ADK: variants seen among roughly 807,000 people sequenced by gnomAD.
The protein encoded by ADK is adenosine kinase, also known as N6,N6-dimethyladenosine kinase.
In ADK, 24 loss-of-function variants were observed where a neutral mutation model predicts 44.7. The ratio of observed to expected loss-of-function variants is 0.54; its 90% CI spans 0.39 to 0.76. The LOEUF is 0.76. Ranked by LOEUF, ADK falls within the 30% of genes least tolerant of loss-of-function variation. The probability of loss-of-function intolerance (pLI) is 0.00; values close to 1 mark genes in which losing one functional copy is unlikely to be tolerated. For missense variants in ADK, 321 were observed against 425.1 expected, an observed-to-expected ratio of 0.76 and a Z score of 2.15; for synonymous variants, 128 against 142.6, an observed-to-expected ratio of 0.90 and a Z score of 0.73.
intron 3 of ADK, among the ~76,000 whole-genome samples, chr10:74,279,833 A>G (rs1846850141): frequency 6.6e-6 from 1 of 151,922 alleles, no homozygotes; most frequent in South Asian, 2.1e-4. Flanking sequence ...GGAATTTGAG[A>G]TCAGCCCAGG....
intron 9 of ADK, chr10:74,655,750 T>G (rs1854463574): frequency 4.1e-6 from 2 of 491,738 alleles, no homozygotes; most frequent in South Asian, 3.5e-5. Flanking sequence ...TTCCTCCAGT[T>G]GCCAGACACC....
intron 1 of ADK, among the ~76,000 whole-genome samples, chr10:74,189,843 T>A (rs532499121): frequency 2.0e-4 from 31 of 152,282 alleles, no homozygotes; most frequent in African/African-American, 7.5e-4. Context: ...TGGAATCATA[T>A]AATATTTGGC....
intron 3 of ADK, among the ~76,000 whole-genome samples, chr10:74,310,576 G>C (rs191157192): frequency 6.6e-6 from 1 of 151,990 alleles, no homozygotes; most frequent in African/African-American, 2.4e-5. Context: ...CCTGTCTTTC[G>C]TATGAGCTAT....
intron 7 of ADK, among the ~76,000 whole-genome samples, chr10:74,557,391 C>A (rs1850296323): frequency 6.6e-6 from 1 of 152,056 alleles, no homozygotes; most frequent in Non-Finnish European, 1.5e-5. Flanking sequence ...ATATAATTTG[C>A]AACAAAGTAG....
At chr10:74,589,455 G>A (rs1851643387) in intron 8 of ADK, 138 bp downstream of exon 8, 6 of 882,064 alleles carry the variant, frequency 6.8e-6, no homozygotes, top group Admixed American at 2.0e-5. Context: ...CTTGGCAGTC[G>A]TCATGGTTTC....
intron 7 of ADK, among the ~76,000 whole-genome samples, chr10:74,573,511 G>C (rs1038714560): frequency 1.3e-5 from 2 of 152,198 alleles, no homozygotes; most frequent in African/African-American, 2.4e-5. Context: ...TCTGCGTGCT[G>C]GGAGAACCAC....
intron 4 of ADK, among the ~76,000 whole-genome samples, chr10:74,384,588 C>T (rs998093964): frequency 1.3e-5 from 2 of 151,970 alleles, no homozygotes; most frequent in Admixed American, 6.6e-5. Flanking sequence ...GAGAATTGCT[C>T]GAACCTGGAA....
At chr10:74,708,293 C>T (rs1431280592) in intron 10 of ADK, 28 bp from the exon 11 acceptor site, 5 of 1,604,952 alleles carry the variant, frequency 3.1e-6, no homozygotes, top group Non-Finnish European at 3.4e-6. Context: ...ATACAATACT[C>T]ATGTGTTTTT....
intron 6 of ADK, among the ~76,000 whole-genome samples, chr10:74,435,581 C>G (rs1424375848): frequency 6.6e-6 from 1 of 152,118 alleles, no homozygotes; most frequent in Admixed American, 6.6e-5. Flanking sequence ...CTAGGAAGCT[C>G]TTTGAACACC....
At chr10:74,572,707 T>C in intron 7 of ADK, among the ~76,000 whole-genome samples, 1 of 152,198 alleles carries the variant, frequency 6.6e-6, no homozygotes, top group East Asian at 1.9e-4. Context: ...TGTTTCTTTT[T>C]ATTCTTTTTT....
intron 9 of ADK, among the ~76,000 whole-genome samples, chr10:74,654,198 A>G (rs1214307329): frequency 6.6e-6 from 1 of 152,228 alleles, no homozygotes; most frequent in Non-Finnish European, 1.5e-5. Context: ...CATTGTGCTC[A>G]GAAGGAGAGA....
chr10:74,478,098 A>G (rs1468454160), intron 6 of ADK, among the ~76,000 whole-genome samples: 2 of 152,200 alleles, frequency 1.3e-5, no homozygotes, highest in Non-Finnish European at 2.9e-5. Context: ...TTAATGAGAT[A>G]GGGTCTCACT....
chr10:74,167,567 T>A (rs1271798055), intron 1 of ADK, among the ~76,000 whole-genome samples: 1 of 152,174 alleles, frequency 6.6e-6, no homozygotes, highest in East Asian at 1.9e-4. Flanking sequence ...CTTCTCTTAG[T>A]GTAGTTTGAG....
intron 10 of ADK, among the ~76,000 whole-genome samples, chr10:74,702,516 C>CTTCCTTCT (rs909144859): frequency 7.0e-6 from 1 of 143,232 alleles, no homozygotes; most frequent in African/African-American, 2.6e-5. Context: ...GTCTGTCTTC[C>CTTCCTTCT]TTCCTTCTTT....
At chr10:74,189,171 G>T (rs1305923656) in intron 1 of ADK, among the ~76,000 whole-genome samples, 2 of 151,918 alleles carry the variant, frequency 1.3e-5, no homozygotes, top group Non-Finnish European at 2.9e-5. Flanking sequence ...ATACAATTTC[G>T]ATGTGTTCAA....
chr10:74,172,808 C>T (rs867053557), intron 1 of ADK, among the ~76,000 whole-genome samples: 1 of 145,398 alleles, frequency 6.9e-6, no homozygotes, highest in African/African-American at 2.6e-5. Context: ...TGGTGGCGCA[C>T]GCCTAGGGGA....
intron 6 of ADK, chr10:74,505,983 C>T (rs1333173325): frequency 6.6e-6 from 1 of 152,168 alleles, no homozygotes; most frequent in African/African-American, 2.4e-5. Context: ...AGTTACTTCT[C>T]CTCTTATCCA....
intron 1 of ADK, chr10:74,176,596 T>C: frequency 7.2e-7 from 1 of 1,381,286 alleles, no homozygotes; most frequent in Non-Finnish European, 9.4e-7. Flanking sequence ...GTCATCTCGC[T>C]AGCCCGCGCG....
intron 6 of ADK, among the ~76,000 whole-genome samples, chr10:74,514,238 TTCTTTG>T (rs1279887220): frequency 6.6e-6 from 1 of 152,206 alleles, no homozygotes; most frequent in Non-Finnish European, 1.5e-5. Context: ...TTAGAATTCT[TTCTTTG>T]TCTTTGACTT....
Sources: allele counts gnomAD v4.1 joint callset (sites outside exome capture counted in the v4.1 genomes callset), GRCh38; gene constraint gnomAD v4.1.1; transcripts MANE v1.5; gene names NCBI Gene and HGNC (gene_info 2026-07-23, HGNC 2026-07-21).